The following SGCZ variants were observed in gnomAD, a reference collection of about 807,000 sequenced individuals.
SGCZ encodes sarcoglycan zeta, also known as zeta-sarcoglycan.
SGCZ carries 40 observed loss-of-function variants against 41.3 expected under a neutral mutation model. The ratio of observed to expected loss-of-function variants is 0.97; its 90% CI spans 0.75 to 1.26. The LOEUF (loss-of-function observed/expected upper bound fraction) is 1.26, where lower values mean the gene tolerates loss of function less well. Among genes scored for constraint, SGCZ ranks in the 50% most tolerant of loss-of-function variants. The probability of loss-of-function intolerance (pLI) is 0.00; values close to 1 mark genes in which losing one functional copy is unlikely to be tolerated. For synonymous variants in SGCZ, 206 were observed against 137.5 expected (o/e 1.50, Z -3.49); for missense variants, 552 against 369.8 (o/e 1.49, Z -4.04).
intron 2 of SGCZ, among the ~76,000 whole-genome samples, chr8:14,554,031 A>C (rs937838455): frequency 4.6e-5 from 7 of 152,224 alleles, no homozygotes; most frequent in African/African-American, 1.7e-4. Flanking sequence ...TGAAGCCACA[A>C]AATTTTCCCA....
chr8:15,051,900 G>C (rs1242875517), intron 1 of SGCZ, among the ~76,000 whole-genome samples: 2 of 152,178 alleles, frequency 1.3e-5, no homozygotes, highest in African/African-American at 4.8e-5. Context: ...ACTGGAAGGA[G>C]ATAGCACAAT....
chr8:14,539,064 T>C (rs1803379616), intron 2 of SGCZ, among the ~76,000 whole-genome samples: 1 of 152,132 alleles, frequency 6.6e-6, no homozygotes, highest in Admixed American at 6.6e-5. Context: ...GTAAAGCAGA[T>C]TATCTTCCAT....
intron 1 of SGCZ, among the ~76,000 whole-genome samples, chr8:14,957,291 T>G (rs1233236686): frequency 6.6e-6 from 1 of 152,134 alleles, no homozygotes; most frequent in Non-Finnish European, 1.5e-5. Flanking sequence ...ATTTTCATCT[T>G]CTTTTTAAAT....
rs1799369412 is a variant in SGCZ at position 14,253,794 on chromosome 8, T to A, written c.337-16115A>T. 2.0e-5 allele frequency among the ~76,000 whole-genome samples: 3 copies of A among 152,116 alleles called. No individual in the cohort carries two copies. In the South Asian group the frequency reaches 6.2e-4, roughly 32 times the overall value. On this transcript the variant is annotated intron_variant, in intron 3 of 7. Coordinates refer to ENST00000382080, the MANE Select transcript of SGCZ (RefSeq NM_139167.4). ...TAAAACAGTAGAAACAACTAGAAAT[T>A]TCCACATCTAATAAACATTAGCAAA...
chr8:14,869,264 G>A (rs1303172006), intron 1 of SGCZ, among the ~76,000 whole-genome samples: 1 of 152,044 alleles, frequency 6.6e-6, no homozygotes, highest in East Asian at 1.9e-4. Context: ...GTCATCCCTG[G>A]GATGCAAGCC....
chr8:14,983,531 A>C (rs1801737916), intron 1 of SGCZ, among the ~76,000 whole-genome samples: 1 of 151,832 alleles, frequency 6.6e-6, no homozygotes, highest in African/African-American at 2.4e-5. Flanking sequence ...TTTTTATAAA[A>C]GTGGAGTTTT....
At chr8:14,798,660 A>T (rs1251659903) in intron 1 of SGCZ, among the ~76,000 whole-genome samples, 2 of 152,172 alleles carry the variant, frequency 1.3e-5, no homozygotes, top group African/African-American at 2.4e-5. Flanking sequence ...CAATAATTTT[A>T]AAATACTTAC....
rs182681921 is a variant in SGCZ at position 14,730,923 on chromosome 8, T to C, written c.40-175997A>G. ...AGGATGTGGAGAAAGAGGAACAATTTTACGCTGTTGGCAGGAGTGTAAATT... is the reference window on the plus strand; with the variant it reads ...AGGATGTGGAGAAAGAGGAACAATTCTACGCTGTTGGCAGGAGTGTAAATT... On this transcript the variant is annotated intron_variant, in intron 1 of 7. Coordinates refer to ENST00000382080, the MANE Select transcript of SGCZ (RefSeq NM_139167.4). Among the ~76,000 whole-genome samples the C allele has an allele frequency of 9.2e-4, 139 of 151,898 alleles. 5 individuals carry two copies. The highest frequency in any genetic ancestry group is 3.2e-3 in the African/African-American group (131 of 41,308).
At position 15,026,072 on chromosome 8, in the gene SGCZ, C is replaced by G. The variant is rs1041628924; in HGVS notation, c.39+211513G>C. 2.0e-5 allele frequency among the ~76,000 whole-genome samples: 3 copies of G among 151,106 alleles called. No individual in the cohort carries two copies. In the East Asian group the frequency reaches 5.8e-4, roughly 29 times the overall value. The stretch of plus-strand genomic sequence containing the variant: ...ACAAAAGTCATACTCCACGCGTTTT[C>G]TTTTTAGACTATTTACTTTGACTTC... On this transcript the variant is annotated intron_variant, in intron 1 of 7. Coordinates refer to ENST00000382080, the MANE Select transcript of SGCZ (RefSeq NM_139167.4).
chr8:14,466,085 T>C (rs955504064), intron 2 of SGCZ, among the ~76,000 whole-genome samples: 1 of 151,992 alleles, frequency 6.6e-6, no homozygotes, highest in African/African-American at 2.4e-5. Flanking sequence ...TTTAAGTTAC[T>C]GTCCAGTTTT....
chr8:14,852,053 A>G (rs1241059540), intron 1 of SGCZ, among the ~76,000 whole-genome samples: 1 of 152,096 alleles, frequency 6.6e-6, no homozygotes, highest in African/African-American at 2.4e-5. Context: ...TAAAGATTCC[A>G]TTGTTTTCAT....
intron 1 of SGCZ, among the ~76,000 whole-genome samples, chr8:14,674,406 A>G (rs559902812): frequency 2.0e-5 from 3 of 152,222 alleles, no homozygotes. Flanking sequence ...TTACAAGAAA[A>G]AAGATAAACT....
intron 2 of SGCZ, among the ~76,000 whole-genome samples, chr8:14,369,244 G>C (rs1803824302): frequency 6.6e-6 from 1 of 151,888 alleles, no homozygotes; most frequent in Non-Finnish European, 1.5e-5. Flanking sequence ...TCCAATCTAT[G>C]ATCATACATT....
At chr8:14,676,601 A>C (rs367836652) in intron 1 of SGCZ, among the ~76,000 whole-genome samples, 113 of 152,314 alleles carry the variant, frequency 7.4e-4, no homozygotes, top group Middle Eastern at 3.4e-3. Flanking sequence ...GAAATTCCCC[A>C]AAACCTACTG....
At chr8:15,178,962 T>C (rs1193366195) in intron 1 of SGCZ, among the ~76,000 whole-genome samples, 1 of 152,210 alleles carries the variant, frequency 6.6e-6, no homozygotes, top group Middle Eastern at 3.2e-3. Context: ...TGATAAACAA[T>C]TTTAGATATT....
At chr8:14,124,222 TA>T (rs1802783539) in intron 5 of SGCZ, among the ~76,000 whole-genome samples, 1 of 152,212 alleles carries the variant, frequency 6.6e-6, no homozygotes, top group Non-Finnish European at 1.5e-5. Flanking sequence ...TTAATAATTT[TA>T]AAATGTAGGC....
intron 2 of SGCZ, among the ~76,000 whole-genome samples, chr8:14,381,533 G>T (rs924888106): frequency 3.3e-5 from 5 of 151,968 alleles, no homozygotes; most frequent in African/African-American, 1.2e-4. Context: ...CCAGTATGGT[G>T]GGAAGCTCAA....
intron 1 of SGCZ, among the ~76,000 whole-genome samples, chr8:14,659,161 T>C (rs1387183471): frequency 6.6e-6 from 1 of 152,166 alleles, no homozygotes; most frequent in African/African-American, 2.4e-5. Flanking sequence ...CTGGAAATAC[T>C]AGTTTTGGTA....
intron 2 of SGCZ, among the ~76,000 whole-genome samples, chr8:14,402,672 C>T (rs371361928): frequency 0.055 from 7,028 of 127,356 alleles, 361 homozygotes; most frequent in African/African-American, 0.094. Context: ...ACCAGTACCA[C>T]GGTGTTTTGG....
Sources: allele counts gnomAD v4.1 joint callset (sites outside exome capture counted in the v4.1 genomes callset), GRCh38; gene constraint gnomAD v4.1.1; transcripts MANE v1.5; gene names NCBI Gene and HGNC (gene_info 2026-07-23, HGNC 2026-07-21).